Variants in TENM2 observed in about 807,000 individuals in gnomAD.
TENM2 encodes teneurin-2.
In TENM2, 52 loss-of-function variants were observed where a neutral mutation model predicts 245.2. The observed-to-expected ratio is 0.21, with a 90% CI of 0.17 to 0.27. The LOEUF is 0.27. Ranked by LOEUF, TENM2 falls within the 10% of genes least tolerant of loss-of-function variation. TENM2 has a pLI of 1.00. For synonymous variants in TENM2, 1,363 were observed against 1,438.9 expected, an observed-to-expected ratio of 0.95 and a Z score of 1.19; for missense variants, 3,046 against 3,666.8, an observed-to-expected ratio of 0.83 and a Z score of 4.37.
chr5:168,132,334 A>G (rs1754662485), intron 12 of TENM2, among the ~76,000 whole-genome samples: 1 of 152,212 alleles, frequency 6.6e-6, no homozygotes, highest in Non-Finnish European at 1.5e-5. Context: ...ATAGACACAA[A>G]CTACATTCTA....
intron 2 of TENM2, among the ~76,000 whole-genome samples, chr5:167,576,134 A>G (rs1040841472): frequency 6.6e-6 from 1 of 152,230 alleles, no homozygotes; most frequent in South Asian, 2.1e-4. Flanking sequence ...GCCTCACCAA[A>G]CAACTGTCCT....
At chr5:168,235,196 T>C (rs1203189863) in intron 25 of TENM2, among the ~76,000 whole-genome samples, 2 of 152,236 alleles carry the variant, frequency 1.3e-5, no homozygotes, top group East Asian at 3.8e-4. Context: ...ACTAATATTT[T>C]ATATTTCAAA....
intron 2 of TENM2, among the ~76,000 whole-genome samples, chr5:167,526,902 T>C (rs538214553): frequency 2.8e-4 from 42 of 152,124 alleles, no homozygotes; most frequent in Non-Finnish European, 5.0e-4. Flanking sequence ...TGCTGAAATA[T>C]TCGTAGGTAT....
chr5:167,197,916 G>C, the TENM2 span, among the ~76,000 whole-genome samples: 1 of 151,880 alleles, frequency 6.6e-6, no homozygotes, highest in Non-Finnish European at 1.5e-5. Context: ...CATATAGAGA[G>C]AGAGAGGGAG....
At chr5:167,356,031 A>C (rs1342728007) in intron 1 of TENM2, among the ~76,000 whole-genome samples, 1 of 151,276 alleles carries the variant, frequency 6.6e-6, no homozygotes, top group African/African-American at 2.4e-5. Flanking sequence ...AAAATACAAA[A>C]ATTAGCTGGG....
intron 2 of TENM2, among the ~76,000 whole-genome samples, chr5:167,455,366 C>T (rs1044395141): frequency 1.3e-5 from 2 of 151,728 alleles, no homozygotes; most frequent in East Asian, 1.9e-4. Context: ...AATAAAATAT[C>T]GAATTTCCTG....
the TENM2 span, among the ~76,000 whole-genome samples, chr5:166,993,223 A>G: frequency 6.6e-6 from 1 of 152,150 alleles, no homozygotes; most frequent in South Asian, 2.1e-4. Context: ...CATAATACCC[A>G]GAAGCGGACC....
chr5:168,057,537 A>T (rs1033220618), intron 6 of TENM2, among the ~76,000 whole-genome samples: 1 of 152,200 alleles, frequency 6.6e-6, no homozygotes, highest in Admixed American at 6.5e-5. Context: ...GAAATTCAAC[A>T]TAATCATTCA....
At chr5:167,654,019 T>G (rs1754661393) in intron 2 of TENM2, 1 of 152,192 alleles carries the variant, frequency 6.6e-6, no homozygotes, top group African/African-American at 2.4e-5. Context: ...TTTAGTTACA[T>G]AAGTCAATAT....
intron 3 of TENM2, among the ~76,000 whole-genome samples, chr5:167,914,186 C>G (rs1776754997): frequency 6.6e-6 from 1 of 152,158 alleles, no homozygotes; most frequent in Non-Finnish European, 1.5e-5. Flanking sequence ...TTTTCTATGG[C>G]TGCTATGGCA....
At chr5:167,396,510 A>C (rs1205359111) in intron 2 of TENM2, among the ~76,000 whole-genome samples, 2 of 152,174 alleles carry the variant, frequency 1.3e-5, no homozygotes. Context: ...GAATGACAGC[A>C]AGAATAAGAG....
At chr5:167,545,435 G>T (rs1772493635) in intron 2 of TENM2, among the ~76,000 whole-genome samples, 1 of 152,058 alleles carries the variant, frequency 6.6e-6, no homozygotes, top group Non-Finnish European at 1.5e-5. Flanking sequence ...TATTACTCAG[G>T]CACCTGCACA....
chr5:168,177,089 T>C (rs948477040), intron 13 of TENM2, among the ~76,000 whole-genome samples: 1 of 152,150 alleles, frequency 6.6e-6, no homozygotes, highest in Non-Finnish European at 1.5e-5. Flanking sequence ...TGCAGATTGT[T>C]CTTGGGTGAA....
chr5:167,722,808 A>C (rs983200886), intron 2 of TENM2, among the ~76,000 whole-genome samples: 4 of 152,174 alleles, frequency 2.6e-5, no homozygotes, highest in Non-Finnish European at 5.9e-5. Context: ...AAACAAAAAA[A>C]AACAACTTTT....
intron 4 of TENM2, among the ~76,000 whole-genome samples, chr5:167,989,507 A>G (rs547405879): frequency 1.3e-5 from 2 of 152,282 alleles, no homozygotes; most frequent in East Asian, 1.9e-4. Flanking sequence ...AGCTGGGAGC[A>G]CTGATTAGAA....
intron 2 of TENM2, among the ~76,000 whole-genome samples, chr5:167,760,255 T>C (rs1186756761): frequency 4.6e-5 from 7 of 152,218 alleles, no homozygotes; most frequent in Admixed American, 4.6e-4. Context: ...TATCATTAAA[T>C]AGGGCACTGT....
At chr5:167,431,731 A>G (rs1285399394) in intron 2 of TENM2, among the ~76,000 whole-genome samples, 1 of 151,762 alleles carries the variant, frequency 6.6e-6, no homozygotes, top group Admixed American at 6.6e-5. Context: ...GACAAGATAA[A>G]CTTGTTTTTC....
At position 168,112,608 on chromosome 5, in the gene TENM2, G is replaced by GA. The variant is rs67722550; in HGVS notation, c.1814-5684_1814-5683insA. 1.5e-5 allele frequency among the ~76,000 whole-genome samples: 2 copies of GA among 133,840 alleles called. 1 individual carries two copies. The highest frequency in any genetic ancestry group is 5.5e-5 in the African/African-American group (2 of 36,424). 87.8% of individuals were successfully genotyped at this position (133,840 alleles called of 152,430 possible). ...TTTTGAATACAGTGTGCAGTGGGCG[G>GA]GGGGGGGGTCAAACTTTATTACTTT... is the stretch of plus-strand genomic sequence containing the variant. On this transcript the variant is annotated intron_variant, in intron 9 of 28. Coordinates refer to ENST00000518659, the Ensembl canonical transcript of TENM2.
intron 9 of TENM2, among the ~76,000 whole-genome samples, chr5:168,102,097 G>C (rs1793866896): frequency 6.6e-6 from 1 of 151,948 alleles, no homozygotes; most frequent in African/African-American, 2.4e-5. Context: ...TTTTGAGATA[G>C]AATTTTGCTT....
Sources: allele counts gnomAD v4.1 joint callset (sites outside exome capture counted in the v4.1 genomes callset), GRCh38; gene constraint gnomAD v4.1.1; transcripts MANE v1.5; gene names NCBI Gene and HGNC (gene_info 2026-07-23, HGNC 2026-07-21).